Variants in CD180 observed in about 807,000 individuals in gnomAD.
CD180 encodes the protein CD180 molecule, also known as CD180 antigen.
In CD180, 11 loss-of-function variants were observed where a neutral mutation model predicts 10.7. The ratio of observed to expected loss-of-function variants is 1.03; its 90% CI spans 0.65 to 1.70. The LOEUF (loss-of-function observed/expected upper bound fraction) is 1.70. Among genes scored for constraint, CD180 ranks in the 40% most tolerant of loss-of-function variants. The probability of loss-of-function intolerance (pLI) is 0.00; values close to 1 mark genes in which losing one functional copy is unlikely to be tolerated. For synonymous variants in CD180, 286 were observed against 294.6 expected, an observed-to-expected ratio of 0.97 and a Z score of 0.30; for missense variants, 729 against 775.2, an observed-to-expected ratio of 0.94 and a Z score of 0.71.
In CD180 at chr5:67,183,879, A is replaced by G. The variant is rs1370835504; in HGVS notation, c.964T>C (p.Leu322=). Residue 322 remains leucine, a synonymous_variant, in exon 3 of 3, where the codon TTG becomes CTG. Transcript: ENST00000256447. Reference sequence around the variant, plus strand: ...ACACTGAGAACTAATTTCTTGAGCAAGTTCAGACCCTTCATCCCAGAGGGT... The same window carrying G: ...ACACTGAGAACTAATTTCTTGAGCAGGTTCAGACCCTTCATCCCAGAGGGT... The part of the protein sequence containing the change: ...GLPSGMKGLN[L]LKKLVLSVNH... 6.2e-7 allele frequency: 1 copy of G among 1,614,104 alleles called. No individual in the cohort carries two copies. The highest frequency in any genetic ancestry group is 8.5e-7 in the Non-Finnish European group (1 of 1,180,050).
Position 67,180,440 on chromosome 5 carries a change from G to A in CD180, c.*2417C>T, listed in dbSNP as rs2151163866. On this transcript the variant is annotated 3_prime_UTR_variant, in exon 3 of 3. Transcript: ENST00000256447. ...CAATGGGTTGGTGCTGTCTAAGACT[G>A]GATTCTTAGAGTTTGGACCTTCCAC... The A allele has an allele frequency of 6.6e-6, 1 of 152,294 alleles. No homozygotes were observed. Among genetic ancestry groups the A allele is most frequent in the Non-Finnish European group, 1.5e-5 (1 of 68,034 alleles). The allele number at this position is 152,294 out of a possible 1,614,324, so 9.4% of individuals were successfully genotyped here.
intron 1 of CD180, chr5:67,186,440 A>G (rs1451259842): frequency 6.6e-6 from 1 of 152,318 alleles, no homozygotes; most frequent in African/African-American, 2.4e-5. Context: ...TGTGTAAGAA[A>G]GGTGTGTGTG....
chr5:67,192,267 G>A (rs932667511), intron 1 of CD180, among the ~76,000 whole-genome samples: 38 of 152,150 alleles, frequency 2.5e-4, no homozygotes, highest in African/African-American at 8.0e-4. Context: ...GTGGGCGCCT[G>A]TAGTCCCAGC....
intron 1 of CD180, among the ~76,000 whole-genome samples, chr5:67,192,757 G>A (rs1482425405): frequency 6.6e-6 from 1 of 152,078 alleles, no homozygotes; most frequent in East Asian, 1.9e-4. Context: ...ATGAGATCTG[G>A]GCAGGGACAC....
rs753412674 is a variant in CD180, at chr5:67,183,278, AT to A, written c.1564del (p.Met522Ter). 2.5e-6 allele frequency: 4 copies of A among 1,614,030 alleles called. No homozygotes were observed. The African/African-American group carries it at 5.3e-5, about 22-fold the overall frequency. ...DQQAFHSLGK[M>X]SHVDLSHNSL... ...GTTGTGGCTTAAGTCTACATGGCTC[AT>A]TTTTCCCAAGCTGTGGAATGCTTGC... On this transcript the variant is annotated frameshift_variant, in exon 3 of 3. Transcript: ENST00000256447. LOFTEE classifies it low-confidence loss of function (END_TRUNC).
chr5:67,189,699 T>C (rs1009550387), intron 1 of CD180, among the ~76,000 whole-genome samples: 2 of 152,190 alleles, frequency 1.3e-5, no homozygotes, highest in Non-Finnish European at 2.9e-5. Flanking sequence ...AAGCACCACA[T>C]GCTCTGGAAT....
At position 67,184,250 on chromosome 5, in the gene CD180, T is replaced by C; in HGVS notation, c.593A>G (p.Gln198Arg). The C allele has an allele frequency of 6.2e-7, 1 of 1,614,126 alleles. No individual in the cohort carries two copies. Among genetic ancestry groups the C allele is most frequent in the Non-Finnish European group, 8.5e-7 (1 of 1,179,948 alleles). Residue 198 changes from glutamine to arginine, a missense_variant, in exon 3 of 3, where the codon CAG becomes CGG. Gln to Arg is a conservative substitution (Grantham distance 43). Transcript: ENST00000256447. ...GAAGTTCAGGCTTAGGTTGATGGCC[T>C]GCTCCAGAGACCTCATGTCTTCTCT... Reference protein sequence around the residue: ...ISREDMRSLEQAINLSLNFNG... With the variant: ...ISREDMRSLERAINLSLNFNG...
rs1397927159 is a variant in CD180, at chr5:67,181,932, C to T, written c.*925G>A. On this transcript the variant is annotated 3_prime_UTR_variant, in exon 3 of 3. Coordinates refer to ENST00000256447, the MANE Select transcript of CD180 (RefSeq NM_005582.3). ...TCACGTAAATGTGCTAATTCAAATGCTCTCCGAAGCAAATAGGCTTTTAAG... is the reference window on the plus strand; with the variant it reads ...TCACGTAAATGTGCTAATTCAAATGTTCTCCGAAGCAAATAGGCTTTTAAG... The T allele has an allele frequency of 6.6e-6, 1 of 152,240 alleles. No individual in the cohort carries two copies. The highest frequency in any genetic ancestry group is 1.5e-5 in the Non-Finnish European group (1 of 68,046). 9.4% of individuals were successfully genotyped at this position (152,240 alleles called of 1,614,324 possible). A position where few individuals can be genotyped will look rare whatever the true frequency, so the allele number is the denominator to read the frequency against.
chr5:67,182,769 C>G lies in CD180; in HGVS notation c.*88G>C. The G allele has an allele frequency of 9.1e-7, 1 of 1,102,260 alleles. No homozygotes were observed. Among genetic ancestry groups the G allele is most frequent in the South Asian group, 1.6e-5 (1 of 61,164 alleles). The allele number at this position is 1,102,260 out of a possible 1,614,324, so 68.3% of individuals were successfully genotyped here. On this transcript the variant is annotated 3_prime_UTR_variant, in exon 3 of 3. Coordinates refer to ENST00000256447, the MANE Select transcript of CD180 (RefSeq NM_005582.3). ...AGTTCCAGGAAGCAATCTGAAAAGT[C>G]TGGTCTGGTCACCAGCAGATGACAG...
chr5:67,195,880 A>G (rs1742391983), intron 1 of CD180, among the ~76,000 whole-genome samples: 1 of 152,206 alleles, frequency 6.6e-6, no homozygotes, highest in African/African-American at 2.4e-5. Context: ...TTGTGGGGTC[A>G]GAGAAAGTGG....
rs895138737 is a variant in CD180 at position 67,180,341 on chromosome 5, A to G, written c.*2516T>C. On this transcript the variant is annotated 3_prime_UTR_variant, in exon 3 of 3. Coordinates refer to ENST00000256447, the MANE Select transcript of CD180 (RefSeq NM_005582.3). ...ATGTCTATGGGTTGGTAAATCAGCA[A>G]TTAGTATTTTCCATCTGCAGCTTAA... The G allele has an allele frequency of 6.6e-6, 1 of 152,232 alleles. No individual in the cohort carries two copies. Among genetic ancestry groups the G allele is most frequent in the African/African-American group, 2.4e-5 (1 of 41,458 alleles). 9.4% of individuals were successfully genotyped at this position (152,232 alleles called of 1,614,324 possible).
chr5:67,192,165 C>A (rs5744484), intron 1 of CD180, among the ~76,000 whole-genome samples: 5,057 of 152,054 alleles, frequency 0.033, 162 homozygotes, highest in African/African-American at 0.085. Context: ...CCGAGGTGGG[C>A]GGATCAGGAG....
Position 67,181,904 on chromosome 5 carries a change from T to C in CD180, c.*953A>G, listed in dbSNP as rs1272023776. The C allele has an allele frequency of 6.6e-6, 1 of 152,262 alleles. No individual in the cohort carries two copies. Among genetic ancestry groups the C allele is most frequent in the African/African-American group, 2.4e-5 (1 of 41,466 alleles). 9.4% of individuals were successfully genotyped at this position (152,262 alleles called of 1,614,324 possible). A position where few individuals can be genotyped will look rare whatever the true frequency, so the allele number is the denominator to read the frequency against. On this transcript the variant is annotated 3_prime_UTR_variant, in exon 3 of 3. Coordinates refer to ENST00000256447, the MANE Select transcript of CD180 (RefSeq NM_005582.3). ...GCATGCAGGGATGCCTTCTTCCTCA[T>C]TTTCACGTAAATGTGCTAATTCAAA...
chr5:67,188,301 T>A (rs1421003953), intron 1 of CD180, among the ~76,000 whole-genome samples: 1 of 152,214 alleles, frequency 6.6e-6, no homozygotes, highest in Non-Finnish European at 1.5e-5. Context: ...CTCTTGGACT[T>A]CCTAGCTCCC....
In CD180 at chr5:67,180,359, C is replaced by T. The variant is rs1742013040; in HGVS notation, c.*2498G>A. On this transcript the variant is annotated 3_prime_UTR_variant, in exon 3 of 3. Transcript: ENST00000256447. Reference sequence around the variant, plus strand: ...ATCAGCAATTAGTATTTTCCATCTGCAGCTTAAATCCCTAAGGCAAGAAAG... The same window carrying T: ...ATCAGCAATTAGTATTTTCCATCTGTAGCTTAAATCCCTAAGGCAAGAAAG... The T allele has an allele frequency of 6.6e-6, 1 of 152,224 alleles. No homozygotes were observed. The highest frequency in any genetic ancestry group is 2.4e-5 in the African/African-American group (1 of 41,454). The allele number at this position is 152,224 out of a possible 1,614,324, so 9.4% of individuals were successfully genotyped here.
intron 2 of CD180, 30 bp from the exon 3 acceptor site, chr5:67,184,615 T>A (rs201034033): frequency 2.6e-6 from 4 of 1,542,428 alleles, no homozygotes; most frequent in Admixed American, 4.0e-5. Context: ...TTAACAATAA[T>A]TCATTTGAAA....
intron 1 of CD180, among the ~76,000 whole-genome samples, chr5:67,192,714 C>T (rs1742333144): frequency 6.6e-6 from 1 of 152,062 alleles, no homozygotes; most frequent in South Asian, 2.1e-4. Flanking sequence ...TCCCACCAGG[C>T]CCTACCTCCA....
In CD180 at chr5:67,184,050, A is replaced by C; in HGVS notation, c.793T>G (p.Ser265Ala). ...TCACAGAGTCCCTTGAGCATGGCTG[A>C]ACTAATATCTTCGTCATCAATGTCC... ...FEDIDDEDIS[S>A]AMLKGLCEMS... Residue 265 changes from serine (S) to alanine (A), a missense_variant, in exon 3 of 3, where the codon TCA (serine) becomes GCA (alanine). By Grantham distance (99) the Ser-to-Ala change is moderately conservative (BLOSUM62 1). Coordinates refer to ENST00000256447, the MANE Select transcript of CD180 (RefSeq NM_005582.3). The C allele has an allele frequency of 6.2e-7, 1 of 1,614,160 alleles. No individual in the cohort carries two copies. The highest frequency in any genetic ancestry group is 8.5e-7 in the Non-Finnish European group (1 of 1,180,024).
chr5:67,189,473 T>C (rs1376409163), intron 1 of CD180, among the ~76,000 whole-genome samples: 2 of 152,168 alleles, frequency 1.3e-5, no homozygotes, highest in African/African-American at 4.8e-5. Flanking sequence ...TGCCATAATA[T>C]TGAATCATCT....
Sources: gnomAD v4.1 joint callset for allele counts (sites outside exome capture counted in the v4.1 genomes callset) on GRCh38, gnomAD v4.1.1 for gene constraint, MANE v1.5 for transcripts, NCBI Gene and HGNC (gene_info 2026-07-23, HGNC 2026-07-21) for gene names.